BUB1: variants seen among roughly 807,000 people sequenced by gnomAD.
BUB1 encodes the protein mitotic checkpoint serine/threonine-protein kinase BUB1.
In BUB1, 84 loss-of-function variants were observed where a neutral mutation model predicts 135.2. The ratio of observed to expected loss-of-function variants is 0.62; its 90% CI spans 0.52 to 0.74. BUB1 has a LOEUF of 0.74. BUB1 is among the 30% of genes least tolerant of loss of function. The pLI, the probability that BUB1 is intolerant of heterozygous loss-of-function variation, is 0.00. For synonymous variants in BUB1, 403 were observed against 434.4 expected (o/e 0.93, Z 0.90); for missense variants, 1,162 against 1,288.3 (o/e 0.90, Z 1.50).
intron 18 of BUB1, among the ~76,000 whole-genome samples, chr2:110,650,197 A>C (rs950265883): frequency 3.3e-4 from 1 of 3,008 alleles, no homozygotes; most frequent in Non-Finnish European, 5.9e-4. Flanking sequence ...ATGTGTAACA[A>C]GGGGGTGGGC....
intron 4 of BUB1, among the ~76,000 whole-genome samples, chr2:110,671,657 C>A (rs1308534368): frequency 6.6e-6 from 1 of 151,960 alleles, no homozygotes; most frequent in Non-Finnish European, 1.5e-5. Flanking sequence ...CTCTTTGACT[C>A]AATAGTTTCA....
chr2:110,641,706 G>GA lies in BUB1; in HGVS notation c.2560dup (p.Ser854PhefsTer26). Reference sequence around the variant, plus strand: ...ACTGCCATTCTGGAATAAGTGGGCAGAATAGAACTTCATAAACATGTGCTG... The same window carrying GA: ...ACTGCCATTCTGGAATAAGTGGGCAGAAATAGAACTTCATAAACATGTGCTG... On this transcript the variant is annotated frameshift_variant, in exon 21 of 25. Coordinates refer to ENST00000302759, the MANE Select transcript of BUB1 (RefSeq NM_004336.5). LOFTEE classifies it high-confidence loss of function. 6.2e-7 allele frequency: 1 copy of GA among 1,613,196 alleles called. No individual in the cohort carries two copies.
chr2:110,653,498 G>T lies in BUB1; in HGVS notation c.1902C>A (p.Thr634=). The change falls in exon 17 of 25, where the codon ACC becomes ACA. Residue 634 remains threonine (T), a synonymous_variant. Coordinates refer to ENST00000302759, the MANE Select transcript of BUB1 (RefSeq NM_004336.5). The part of the protein sequence containing the change: ...DKENVVAKQC[T]QATLDSCEEN... ...CCTCACAAGAATCCAAAGTCGCCTG[G>T]GTACACTGTTTTGCTACCACATTTT... 6 of 1,613,738 alleles carry T rather than the reference G, an allele frequency of 3.7e-6. No homozygotes were observed. The highest frequency in any genetic ancestry group is 5.1e-6 in the Non-Finnish European group (6 of 1,179,882).
intron 16 of BUB1, among the ~76,000 whole-genome samples, chr2:110,655,535 T>TA (rs1689906296): frequency 6.6e-6 from 1 of 152,016 alleles, no homozygotes; most frequent in Admixed American, 6.6e-5. Flanking sequence ...TAAAAATACA[T>TA]AGACTTTAGG....
At chr2:110,655,974 C>T (rs182451006) in intron 15 of BUB1, 58 bp from the exon 16 acceptor site, 1 of 1,503,606 alleles carries the variant, frequency 6.7e-7, no homozygotes, top group East Asian at 2.3e-5. Context: ...GTCCATGAAA[C>T]CTTATTCAAT....
At chr2:110,655,258 TC>T in intron 16 of BUB1, among the ~76,000 whole-genome samples, 1 of 152,348 alleles carries the variant, frequency 6.6e-6, no homozygotes, top group African/African-American at 2.4e-5. Context: ...TTTCTGACTA[TC>T]GTACTTGGCT....
chr2:110,655,733 A>G lies in BUB1; in HGVS notation c.1876+6T>C. The G allele has an allele frequency of 6.2e-7, 1 of 1,611,422 alleles. No homozygotes were observed. The highest frequency in any genetic ancestry group is 1.1e-5 in the South Asian group (1 of 90,872). ...AAGACAGACACTAAAACAGTGTAAC[A>G]CACACCTTTATCTTCTAAAATGTGC... On this transcript the variant is annotated splice_donor_region_variant and intron_variant, in intron 16 of 24. Coordinates refer to ENST00000302759, the MANE Select transcript of BUB1 (RefSeq NM_004336.5).
rs1486802849 is a variant in BUB1 at position 110,650,809 on chromosome 2, A to C, written c.1965-25T>G. The C allele has an allele frequency of 5.1e-6, 8 of 1,571,744 alleles. No individual in the cohort carries two copies. In the Admixed American group the frequency reaches 1.3e-4, roughly 26 times the overall value. ...ACTGGACGTGTGAAAGGAATAAAGA[A>C]ACCAAAACACCACATGATTAGAAAT... is the stretch of plus-strand genomic sequence containing the variant. On this transcript the variant is annotated intron_variant, in intron 17 of 24. Transcript: ENST00000302759.
rs143604436 is a variant in BUB1, at chr2:110,638,210, A to T, written c.3063-51T>A. ...GGCTAAAATGTAGCCTTCAATATGC[A>T]GGATAACCCCACCCCTGCATCTGAC... is the stretch of plus-strand genomic sequence containing the variant. On this transcript the variant is annotated intron_variant, in intron 24 of 24. Coordinates refer to ENST00000302759, the MANE Select transcript of BUB1 (RefSeq NM_004336.5). The T allele has an allele frequency of 4.8e-4, 686 of 1,435,602 alleles. 2 individuals carry two copies. Among genetic ancestry groups the T allele is most frequent in the Middle Eastern group, 2.9e-3 (12 of 4,082 alleles). 88.9% of individuals were successfully genotyped at this position (1,435,602 alleles called of 1,614,324 possible).
chr2:110,677,719 C>T (rs1207755401), intron 1 of BUB1, among the ~76,000 whole-genome samples: 4 of 152,224 alleles, frequency 2.6e-5, no homozygotes, highest in Non-Finnish European at 5.9e-5. Flanking sequence ...GAGGGCCTAA[C>T]GAATTATCCA....
chr2:110,658,807 C>T, intron 11 of BUB1, 65 bp from the exon 12 acceptor site: 5 of 1,573,908 alleles, frequency 3.2e-6, no homozygotes, highest in Non-Finnish European at 1.7e-6. Context: ...AAAAGACACA[C>T]AATTTAAGTA....
chr2:110,651,389 G>GA (rs1264664599), intron 17 of BUB1, among the ~76,000 whole-genome samples: 4 of 149,320 alleles, frequency 2.7e-5, no homozygotes, highest in Non-Finnish European at 6.0e-5. Context: ...TTTAAAAAGT[G>GA]AAAAAAAAAA....
chr2:110,661,815 A>T lies in BUB1; in HGVS notation c.984T>A (p.Ser328Arg). The T allele has an allele frequency of 6.2e-7, 1 of 1,614,206 alleles. No homozygotes were observed. Among genetic ancestry groups the T allele is most frequent in the Admixed American group, 1.7e-5 (1 of 60,024 alleles). ...SEVNPARMGP[S>R]VGSQQELRAP... ...CTCTCAGTTCCTGCTGGGAGCCTAC[A>T]CTTGGCCCCATACGTGCTGGATTAA... The change falls in exon 10 of 25, where the codon AGT (serine) becomes AGA (arginine). Residue 328 changes from serine to arginine, a missense_variant. Ser to Arg is a moderately radical substitution (Grantham distance 110). Coordinates refer to ENST00000302759, the MANE Select transcript of BUB1 (RefSeq NM_004336.5).
Position 110,658,688 on chromosome 2 carries a change from G to A in BUB1, c.1331C>T (p.Thr444Ile). 3 of 1,614,198 alleles carry A rather than the reference G, an allele frequency of 1.9e-6. No individual in the cohort carries two copies. Among genetic ancestry groups the A allele is most frequent in the Non-Finnish European group, 2.5e-6 (3 of 1,180,030 alleles). ...CGTTGCCTGAACCATTCCCAGTGAT[G>A]TGTTTGGAGTTGTGTGAAAAGAACT... ...NTSSFHTTPN[T>I]SLGMVQATPS... Residue 444 changes from threonine (T) to isoleucine (I), a missense_variant, in exon 12 of 25, where the codon ACA becomes ATA. Thr to Ile is a moderately conservative substitution (Grantham distance 89). Transcript: ENST00000302759.
intron 23 of BUB1, among the ~76,000 whole-genome samples, chr2:110,640,535 T>C (rs545900580): frequency 6.6e-6 from 1 of 152,318 alleles, no homozygotes; most frequent in South Asian, 2.1e-4. Context: ...ATAATAATGA[T>C]CCATTTCTTG....
At chr2:110,641,227 C>A in intron 22 of BUB1, 22 bp from the exon 23 acceptor site, 1 of 1,587,928 alleles carries the variant, frequency 6.3e-7, no homozygotes, top group Non-Finnish European at 8.6e-7. Flanking sequence ...ACAAACAAAG[C>A]CAGGCTGCAT....
intron 11 of BUB1, among the ~76,000 whole-genome samples, 160 bp from the exon 12 acceptor site, chr2:110,658,902 A>G (rs903317893): frequency 3.9e-5 from 6 of 152,254 alleles, no homozygotes; most frequent in Non-Finnish European, 8.8e-5. Flanking sequence ...TTTCATTTTT[A>G]TCTTTATAAT....
intron 1 of BUB1, among the ~76,000 whole-genome samples, chr2:110,676,185 A>G (rs1040956968): frequency 1.3e-5 from 2 of 152,168 alleles, no homozygotes; most frequent in Non-Finnish European, 2.9e-5. Context: ...AAAACTATTA[A>G]CCTATTTTTT....
At chr2:110,651,630 C>T (rs897564124) in intron 17 of BUB1, among the ~76,000 whole-genome samples, 1 of 152,146 alleles carries the variant, frequency 6.6e-6, no homozygotes, top group African/African-American at 2.4e-5. Context: ...CAGCAGTGCA[C>T]AGTAATGTCC....
Sources: allele counts gnomAD v4.1 joint callset (sites outside exome capture counted in the v4.1 genomes callset), GRCh38; gene constraint gnomAD v4.1.1; transcripts MANE v1.5; gene names NCBI Gene and HGNC (gene_info 2026-07-23, HGNC 2026-07-21).